The following METTL25 variants were observed in gnomAD, a reference collection of about 807,000 sequenced individuals.
METTL25 encodes methyltransferase like 25, also known as probable methyltransferase-like protein 25.
Under a neutral mutation model 71.6 loss-of-function variants are expected in METTL25, and 64 were observed. The ratio of observed to expected loss-of-function variants is 0.89; its 90% CI spans 0.73 to 1.10. The LOEUF (loss-of-function observed/expected upper bound fraction) is 1.10, where lower values mean the gene tolerates loss of function less well. Among genes scored for constraint, METTL25 ranks in the 50% least tolerant of loss-of-function variants. The pLI is 0.00. For missense variants in METTL25, 807 were observed against 707.0 expected, an observed-to-expected ratio of 1.14 and a Z score of -1.60; for synonymous variants, 287 against 250.3, an observed-to-expected ratio of 1.15 and a Z score of -1.38.
chr12:82,439,862 A>G, intron 8 of METTL25: 1 of 724,138 alleles, frequency 1.4e-6, no homozygotes, highest in Non-Finnish European at 1.5e-6. Flanking sequence ...AGATCTGTTC[A>G]TGTGTTTATT....
At chr12:82,467,859 T>C (rs1892336382) in intron 9 of METTL25, among the ~76,000 whole-genome samples, 1 of 152,120 alleles carries the variant, frequency 6.6e-6, no homozygotes, top group African/African-American at 2.4e-5. Context: ...TCAACTATTA[T>C]TTAATTAAGT....
At chr12:82,373,064 G>A (rs987146826) in intron 1 of METTL25, among the ~76,000 whole-genome samples, 2 of 152,116 alleles carry the variant, frequency 1.3e-5, no homozygotes, top group Non-Finnish European at 2.9e-5. Context: ...AGACCACAAA[G>A]AGGCCCAAGA....
intron 1 of METTL25, among the ~76,000 whole-genome samples, chr12:82,367,850 G>T (rs570903222): frequency 6.6e-6 from 1 of 152,260 alleles, no homozygotes; most frequent in South Asian, 2.1e-4. Context: ...AGCATGGAAA[G>T]AATATGGATT....
At chr12:82,465,583 T>C (rs1324741992) in intron 9 of METTL25, among the ~76,000 whole-genome samples, 1 of 151,980 alleles carries the variant, frequency 6.6e-6, no homozygotes, top group Non-Finnish European at 1.5e-5. Flanking sequence ...TGTGTCCTTA[T>C]CTGCTTTTGG....
intron 5 of METTL25, among the ~76,000 whole-genome samples, chr12:82,428,326 G>T: frequency 6.6e-6 from 1 of 151,818 alleles, no homozygotes; most frequent in Admixed American, 6.6e-5. Context: ...GATGGGTAAA[G>T]GGAGGAGTAG....
chr12:82,412,452 G>A (rs538185635), intron 5 of METTL25, among the ~76,000 whole-genome samples: 2 of 152,178 alleles, frequency 1.3e-5, no homozygotes, highest in Admixed American at 6.6e-5. Context: ...TATACCTAAT[G>A]TGGTCAGTTT....
chr12:82,416,659 G>A (rs879615549), intron 5 of METTL25, among the ~76,000 whole-genome samples: 1 of 151,798 alleles, frequency 6.6e-6, no homozygotes, highest in Non-Finnish European at 1.5e-5. Context: ...CATAAAGACA[G>A]GGTTTCACTA....
chr12:82,366,289 C>G (rs1047294191), intron 1 of METTL25, among the ~76,000 whole-genome samples: 4 of 152,140 alleles, frequency 2.6e-5, no homozygotes, highest in Non-Finnish European at 4.4e-5. Flanking sequence ...AATGAACTCT[C>G]AGGAATTCCA....
At chr12:82,363,946 T>C (rs1592575494) in intron 1 of METTL25, among the ~76,000 whole-genome samples, 1 of 152,092 alleles carries the variant, frequency 6.6e-6, no homozygotes, top group African/African-American at 2.4e-5. Context: ...TCCAAGAAAA[T>C]ACACTGGGAG....
At chr12:82,404,345 A>G (rs17712927) in intron 5 of METTL25, among the ~76,000 whole-genome samples, 9,423 of 152,172 alleles carry the variant, frequency 0.062, 339 homozygotes, top group Middle Eastern at 0.12. Context: ...ACCAAAAATT[A>G]GGGTAAAAAA....
chr12:82,391,587 T>C (rs1261983272), intron 3 of METTL25, among the ~76,000 whole-genome samples: 1 of 151,850 alleles, frequency 6.6e-6, no homozygotes, highest in Non-Finnish European at 1.5e-5. Context: ...TATATAACTT[T>C]TCATTGTGCA....
At chr12:82,416,889 A>T (rs1888032294) in intron 5 of METTL25, among the ~76,000 whole-genome samples, 1 of 152,166 alleles carries the variant, frequency 6.6e-6, no homozygotes, top group African/African-American at 2.4e-5. Context: ...TTTGAATATC[A>T]TATATACTTG....
At chr12:82,461,321 G>T (rs993694918) in intron 9 of METTL25, among the ~76,000 whole-genome samples, 1 of 152,160 alleles carries the variant, frequency 6.6e-6, no homozygotes, top group African/African-American at 2.4e-5. Context: ...TTTGTGCCAG[G>T]CACTGTGCTA....
At chr12:82,412,486 A>G (rs1265452290) in intron 5 of METTL25, among the ~76,000 whole-genome samples, 1 of 152,108 alleles carries the variant, frequency 6.6e-6, no homozygotes, top group Non-Finnish European at 1.5e-5. Context: ...TGATGTCAGT[A>G]AATGCTGGGT....
intron 9 of METTL25, among the ~76,000 whole-genome samples, chr12:82,471,346 G>C (rs1892557794): frequency 6.6e-6 from 1 of 152,162 alleles, no homozygotes; most frequent in African/African-American, 2.4e-5. Flanking sequence ...TACCTGCCTG[G>C]TGCCTACAGG....
chr12:82,416,564 C>T (rs779127532), intron 5 of METTL25, among the ~76,000 whole-genome samples: 8 of 151,614 alleles, frequency 5.3e-5, no homozygotes, highest in Non-Finnish European at 1.2e-4. Context: ...CCCAAGCTTC[C>T]CAAGTAGCTG....
At chr12:82,427,044 C>T (rs566204041) in intron 5 of METTL25, among the ~76,000 whole-genome samples, 5 of 152,112 alleles carry the variant, frequency 3.3e-5, no homozygotes, top group East Asian at 1.9e-4. Context: ...TCTCCATAAG[C>T]GCTTGGTTTT....
At chr12:82,400,783 C>T (rs1356548310) in intron 4 of METTL25, among the ~76,000 whole-genome samples, 3 of 151,998 alleles carry the variant, frequency 2.0e-5, no homozygotes, top group Non-Finnish European at 4.4e-5. Flanking sequence ...TCCCCCTACC[C>T]TCTCGCAATA....
intron 11 of METTL25, 70 bp downstream of exon 11, chr12:82,477,422 C>A: frequency 4.0e-6 from 3 of 745,668 alleles, no homozygotes; most frequent in Non-Finnish European, 6.4e-6. Context: ...CCACTTATAT[C>A]TAGGATAAGA....
Sources: allele counts gnomAD v4.1 joint callset (sites outside exome capture counted in the v4.1 genomes callset), GRCh38; gene constraint gnomAD v4.1.1; transcripts MANE v1.5; gene names NCBI Gene and HGNC (gene_info 2026-07-23, HGNC 2026-07-21).